SLC25A13: variants seen among roughly 807,000 people sequenced by gnomAD.
SLC25A13 encodes electrogenic aspartate/glutamate antiporter SLC25A13, mitochondrial.
In SLC25A13, 70 loss-of-function variants were observed where a neutral mutation model predicts 85.5. The ratio of observed to expected loss-of-function variants is 0.82; its 90% confidence interval spans 0.68 to 1.00. The LOEUF is 1.00. Among genes scored for constraint, SLC25A13 ranks in the 50% least tolerant of loss-of-function variants. The pLI is 0.00. For synonymous variants in SLC25A13, 259 were observed against 288.7 expected (o/e 0.90, Z 1.04); for missense variants, 765 against 819.8 (o/e 0.93, Z 0.82).
intron 15 of SLC25A13, among the ~76,000 whole-genome samples, chr7:96,126,247 T>C (rs1791721885): frequency 6.6e-6 from 1 of 152,208 alleles, no homozygotes; most frequent in African/African-American, 2.4e-5. Flanking sequence ...TGCTGAAATG[T>C]AGGGAACTTC....
intron 15 of SLC25A13, 84 bp from the exon 16 acceptor site, chr7:96,122,081 A>G: frequency 6.4e-7 from 1 of 1,565,864 alleles, no homozygotes; most frequent in Non-Finnish European, 8.8e-7. Context: ...CTGGCCGTGG[A>G]AAGAAAGTTA....
intron 14 of SLC25A13, among the ~76,000 whole-genome samples, chr7:96,141,905 A>T (rs760931238): frequency 1.8e-4 from 28 of 152,364 alleles, no homozygotes; most frequent in Non-Finnish European, 3.7e-4. Context: ...TTTTCTAAGC[A>T]ATCACAAAAG....
intron 4 of SLC25A13, among the ~76,000 whole-genome samples, chr7:96,231,550 C>A (rs1796539677): frequency 6.6e-6 from 1 of 151,992 alleles, no homozygotes; most frequent in African/African-American, 2.4e-5. Context: ...TATGGTAAAA[C>A]CACGTCTCTA....
intron 14 of SLC25A13, among the ~76,000 whole-genome samples, chr7:96,140,622 C>T (rs1396555203): frequency 2.6e-5 from 4 of 151,858 alleles, no homozygotes; most frequent in African/African-American, 7.3e-5. Context: ...CCAGGATGGT[C>T]TTGATCTCCT....
At chr7:96,170,167 G>C (rs1584404449) in intron 12 of SLC25A13, 42 bp from the exon 13 acceptor site, 14 of 1,556,382 alleles carry the variant, frequency 9.0e-6, no homozygotes, top group Non-Finnish European at 1.2e-5. Flanking sequence ...AAAATATAAA[G>C]AAAGTCATTA....
intron 11 of SLC25A13, among the ~76,000 whole-genome samples, chr7:96,178,925 G>A (rs542392841): frequency 6.6e-6 from 1 of 152,324 alleles, no homozygotes; most frequent in African/African-American, 2.4e-5. Context: ...ACCCCAAGGT[G>A]GCTGTACAGT....
At position 96,121,700 on chromosome 7, in the gene SLC25A13, G is replaced by A. The variant is rs780179331; in HGVS notation, c.1796C>T (p.Thr599Ile). 1.2e-6 allele frequency: 2 copies of A among 1,614,138 alleles called. No individual in the cohort carries two copies. Among genetic ancestry groups the A allele is most frequent in the South Asian group, 2.2e-5 (2 of 91,080 alleles). ...GAACCATCGCTGTAGCAATTCGTAA[G>A]TCAGCAAAGTTACACCAAACTGGGG... Reference protein sequence around the residue: ...SSPQFGVTLLTYELLQRWFYI... With the variant: ...SSPQFGVTLLIYELLQRWFYI... Residue 599 changes from threonine (T) to isoleucine (I), a missense_variant, in exon 17 of 18, where the codon ACT becomes ATT. Transcript: ENST00000265631.
intron 2 of SLC25A13, among the ~76,000 whole-genome samples, chr7:96,294,156 C>A (rs1392835635): frequency 1.3e-5 from 2 of 152,098 alleles, no homozygotes; most frequent in Non-Finnish European, 2.9e-5. Flanking sequence ...TGGAAACCAT[C>A]ATTCTCAGCA....
At chr7:96,213,361 T>C (rs1382748165) in intron 4 of SLC25A13, among the ~76,000 whole-genome samples, 2 of 152,232 alleles carry the variant, frequency 1.3e-5, no homozygotes, top group Non-Finnish European at 2.9e-5. Context: ...GATTCCTCTA[T>C]GTCTTGTAAG....
chr7:96,138,887 T>A (rs1792405102), intron 14 of SLC25A13, among the ~76,000 whole-genome samples: 1 of 152,208 alleles, frequency 6.6e-6, no homozygotes, highest in Non-Finnish European at 1.5e-5. Flanking sequence ...AAATAATATT[T>A]TTCAAGCCAT....
At chr7:96,291,958 C>T (rs1014688090) in intron 2 of SLC25A13, among the ~76,000 whole-genome samples, 1 of 152,152 alleles carries the variant, frequency 6.6e-6, no homozygotes, top group Non-Finnish European at 1.5e-5. Context: ...ATACCAAAGC[C>T]TGGCAGAGAC....
intron 3 of SLC25A13, among the ~76,000 whole-genome samples, chr7:96,245,403 A>G (rs1480637595): frequency 2.6e-5 from 4 of 152,188 alleles, no homozygotes; most frequent in African/African-American, 9.7e-5. Context: ...CAATCCCTAC[A>G]AAGATGATTC....
intron 5 of SLC25A13, among the ~76,000 whole-genome samples, chr7:96,207,937 C>T (rs1795521855): frequency 6.6e-6 from 1 of 152,094 alleles, no homozygotes; most frequent in Non-Finnish European, 1.5e-5. Flanking sequence ...ATGAGGGCCA[C>T]CCAAGAAGCT....
intron 15 of SLC25A13, among the ~76,000 whole-genome samples, chr7:96,124,739 G>A (rs1228288539): frequency 6.6e-6 from 1 of 152,148 alleles, no homozygotes; most frequent in African/African-American, 2.4e-5. Context: ...TTCATTTACA[G>A]TGCTTGTGAC....
intron 3 of SLC25A13, among the ~76,000 whole-genome samples, chr7:96,269,790 C>A (rs7781164): frequency 0.57 from 86,811 of 152,098 alleles, 26,260 homozygotes; most frequent in Non-Finnish European, 0.67. Context: ...TTTAAAAAGG[C>A]AATCCTCTCA....
chr7:96,184,897 G>C, intron 10 of SLC25A13, 30 bp downstream of exon 10: 1 of 1,558,642 alleles, frequency 6.4e-7, no homozygotes, highest in South Asian at 1.1e-5. Flanking sequence ...AATAACAAAA[G>C]TGAAAATTTT....
intron 13 of SLC25A13, among the ~76,000 whole-genome samples, chr7:96,164,299 T>C (rs1487262226): frequency 6.6e-6 from 1 of 152,206 alleles, no homozygotes. Flanking sequence ...CCCCCAGCCA[T>C]GGCTCCAGCT....
chr7:96,277,347 AAAAAAG>A lies in SLC25A13; in HGVS notation c.70-15_70-10del. 2 of 1,607,446 alleles carry A rather than the reference AAAAAAG, an allele frequency of 1.2e-6. No homozygotes were observed. Among genetic ancestry groups the A allele is most frequent in the South Asian group, 1.1e-5 (1 of 90,364 alleles). On this transcript the variant is annotated splice_polypyrimidine_tract_variant and intron_variant, in intron 2 of 17. Transcript: ENST00000265631. ...TTCTCAATGCTTGCATACTGTTTAAAAAAAAGAAAAACAGTATTTTATATATTTGAT... is the reference window on the plus strand; with the variant it reads ...TTCTCAATGCTTGCATACTGTTTAAAAAAAACAGTATTTTATATATTTGAT...
At chr7:96,260,135 A>G (rs1000690490) in intron 3 of SLC25A13, among the ~76,000 whole-genome samples, 1 of 152,058 alleles carries the variant, frequency 6.6e-6, no homozygotes, top group Non-Finnish European at 1.5e-5. Flanking sequence ...GCAAACCACC[A>G]TGGCACATGT....
Sources: gnomAD v4.1 joint callset for allele counts (sites outside exome capture counted in the v4.1 genomes callset) on GRCh38, gnomAD v4.1.1 for gene constraint, MANE v1.5 for transcripts, NCBI Gene and HGNC (gene_info 2026-07-23, HGNC 2026-07-21) for gene names.